The following BST1 variants were observed in gnomAD, a reference collection of about 807,000 sequenced individuals.
BST1 encodes the protein ADP-ribosyl cyclase/cyclic ADP-ribose hydrolase 2.
A neutral mutation model predicts 40.6 loss-of-function variants in BST1; 49 were observed. That is an observed-to-expected ratio of 1.21 (90% CI 0.96 to 1.53). The LOEUF is 1.53. Among genes scored for constraint, BST1 ranks in the 40% most tolerant of loss-of-function variants. BST1 has a pLI of 0.00. For synonymous variants in BST1, 157 were observed against 159.3 expected (o/e 0.99, Z 0.11); for missense variants, 423 against 395.9 (o/e 1.07, Z -0.58).
the BST1 span, among the ~76,000 whole-genome samples, chr4:15,757,722 A>G: frequency 6.6e-6 from 1 of 151,950 alleles, no homozygotes; most frequent in Non-Finnish European, 1.5e-5. Flanking sequence ...GCTCTCTGCA[A>G]CCTCCATCTC....
In BST1 at chr4:15,705,578, C is replaced by T. The variant is rs115720734; in HGVS notation, c.252C>T (p.Ser84=). The T allele has an allele frequency of 3.1e-4, 506 of 1,613,122 alleles. 5 individuals are homozygous for T. The African/African-American group carries it at 5.9e-3, about 19-fold the overall frequency. Residue 84 remains serine (S), a synonymous_variant, in exon 2 of 9, where the codon TCC becomes TCT. Transcript: ENST00000265016. The part of the protein sequence containing the change: ...FKVALDKDPC[S]VLPSDYDLFI... ...TGGCGCTGGACAAGGATCCCTGCTC[C>T]GTGCTGCCCTCAGACTATGACCTTT...
At chr4:15,736,302 A>G (rs1033138797), downstream of BST1, among the ~76,000 whole-genome samples, 1 of 152,034 alleles carries the variant, frequency 6.6e-6, no homozygotes, top group African/African-American at 2.4e-5. Flanking sequence ...ACCCTTGGCA[A>G]GACAAATTTC....
chr4:15,736,942 G>A (rs1463479635), downstream of BST1, among the ~76,000 whole-genome samples: 2 of 152,104 alleles, frequency 1.3e-5, no homozygotes, highest in Non-Finnish European at 2.9e-5. Context: ...GGGGAATCAA[G>A]ACAAAGGAAA....
the BST1 span, among the ~76,000 whole-genome samples, chr4:15,765,893 A>G: frequency 6.6e-6 from 1 of 151,976 alleles, no homozygotes; most frequent in African/African-American, 2.4e-5. Flanking sequence ...TGTCTATTAT[A>G]TGTCGATTCC....
the BST1 span, among the ~76,000 whole-genome samples, chr4:15,766,759 A>G: frequency 6.7e-6 from 1 of 150,034 alleles, no homozygotes; most frequent in Non-Finnish European, 1.5e-5. Context: ...AGGAGGCACA[A>G]AACATATTGA....
intron 1 of BST1, among the ~76,000 whole-genome samples, chr4:15,703,946 G>GTA (rs1447564200): frequency 1.4e-5 from 2 of 147,924 alleles, no homozygotes; most frequent in Non-Finnish European, 1.5e-5. Flanking sequence ...GGTGAGGGGT[G>GTA]TGTGTGTTCT....
chr4:15,761,669 T>A, the BST1 span, among the ~76,000 whole-genome samples: 1 of 151,976 alleles, frequency 6.6e-6, no homozygotes, highest in Non-Finnish European at 1.5e-5. Context: ...CATGATGGTG[T>A]GCACAGTGAT....
intron 3 of BST1, among the ~76,000 whole-genome samples, chr4:15,711,036 C>T (rs1161252426): frequency 3.3e-5 from 5 of 152,126 alleles, no homozygotes; most frequent in South Asian, 4.1e-4. Context: ...GTAATCCACC[C>T]GCCTCAGCTT....
At chr4:15,745,437 A>G in the BST1 span, among the ~76,000 whole-genome samples, 1 of 152,198 alleles carries the variant, frequency 6.6e-6, no homozygotes, top group African/African-American at 2.4e-5. Context: ...CTTTTTGAAC[A>G]AAGTGTTTCA....
At chr4:15,738,798 T>C (rs1445967711), downstream of BST1, among the ~76,000 whole-genome samples, 1 of 152,160 alleles carries the variant, frequency 6.6e-6, no homozygotes, top group East Asian at 1.9e-4. Context: ...AAGTGAACAC[T>C]AGCTTTTTTT....
At chr4:15,706,565 C>CTG (rs1719891594) in intron 2 of BST1, among the ~76,000 whole-genome samples, 1 of 152,056 alleles carries the variant, frequency 6.6e-6, no homozygotes, top group African/African-American at 2.4e-5. Context: ...AAAACAATAC[C>CTG]TCAAGTTTAA....
chr4:15,745,231 A>G, the BST1 span, among the ~76,000 whole-genome samples: 1 of 152,212 alleles, frequency 6.6e-6, no homozygotes, highest in African/African-American at 2.4e-5. Flanking sequence ...TGTTTACTGT[A>G]TCATATAAAA....
chr4:15,738,826 A>T (rs543171985), downstream of BST1, among the ~76,000 whole-genome samples: 1 of 152,338 alleles, frequency 6.6e-6, no homozygotes, highest in South Asian at 2.1e-4. Flanking sequence ...CTGCTGTGAA[A>T]ATTGAGGTTT....
intron 1 of BST1, among the ~76,000 whole-genome samples, chr4:15,703,990 ATGTGTGT>A (rs1719725041): frequency 1.5e-5 from 1 of 67,060 alleles, no homozygotes; most frequent in Non-Finnish European, 2.9e-5. Context: ...TGGAGGTGAG[ATGTGTGT>A]GTGTGTGTTC....
chr4:15,760,484 T>G, the BST1 span, among the ~76,000 whole-genome samples: 1 of 151,886 alleles, frequency 6.6e-6, no homozygotes, highest in Non-Finnish European at 1.5e-5. Context: ...CTTAACATTT[T>G]GAGGAATTGC....
chr4:15,737,341 C>T (rs935213656), downstream of BST1, among the ~76,000 whole-genome samples: 5 of 152,160 alleles, frequency 3.3e-5, no homozygotes, highest in East Asian at 1.9e-4. Flanking sequence ...AATCCTCACT[C>T]GACCCCATAG....
chr4:15,716,082 T>C (rs1202917899), intron 6 of BST1, among the ~76,000 whole-genome samples: 1 of 152,188 alleles, frequency 6.6e-6, no homozygotes, highest in Non-Finnish European at 1.5e-5. Flanking sequence ...GAGTTCCTTA[T>C]GCATTTGTGA....
downstream of BST1, among the ~76,000 whole-genome samples, chr4:15,741,755 T>C (rs1271278374): frequency 6.6e-6 from 1 of 152,224 alleles, no homozygotes; most frequent in Non-Finnish European, 1.5e-5. Flanking sequence ...TTTGTGCTTA[T>C]CTATTCCGCT....
At chr4:15,740,107 G>A (rs2148901254), downstream of BST1, among the ~76,000 whole-genome samples, 1 of 152,310 alleles carries the variant, frequency 6.6e-6, no homozygotes, top group East Asian at 1.9e-4. Context: ...AGGCTGGAGT[G>A]CAGTGGCACC....
Sources: gnomAD v4.1 joint callset for allele counts (sites outside exome capture counted in the v4.1 genomes callset) on GRCh38, gnomAD v4.1.1 for gene constraint, MANE v1.5 for transcripts, NCBI Gene and HGNC (gene_info 2026-07-23, HGNC 2026-07-21) for gene names.